Variants in DDHD2 observed in about 807,000 individuals in gnomAD.
The protein encoded by DDHD2 is triacylglycerol hydrolase DDHD2.
In DDHD2, 62 loss-of-function variants were observed where a neutral mutation model predicts 91.2. That is an observed-to-expected ratio of 0.68 (90% CI 0.55 to 0.84). The LOEUF is 0.84. Among genes scored for constraint, DDHD2 ranks in the 40% least tolerant of loss-of-function variants. The pLI is 0.00. For synonymous variants in DDHD2, 271 were observed against 293.9 expected (o/e 0.92, Z 0.80); for missense variants, 740 against 846.9 (o/e 0.87, Z 1.57).
chr8:38,269,163 C>G (rs941793287), intron 1 of DDHD2: 3 of 1,512,612 alleles, frequency 2.0e-6, no homozygotes, highest in Non-Finnish European at 2.6e-6. Flanking sequence ...ACGCCCACTT[C>G]GGCCCCAAAG....
downstream of DDHD2, chr8:38,265,207 A>G (rs1807400266): frequency 2.9e-6 from 1 of 341,902 alleles, no homozygotes; most frequent in African/African-American, 2.3e-5. Flanking sequence ...TGGAGGTTGC[A>G]GTGAGCCGAG....
At chr8:38,233,882 T>C (rs542641831) in intron 2 of DDHD2, among the ~76,000 whole-genome samples, 1 of 151,612 alleles carries the variant, frequency 6.6e-6, no homozygotes, top group East Asian at 1.9e-4. Context: ...TGAGCCAAGA[T>C]TGTGCCACTG....
chr8:38,252,837 A>T lies in DDHD2; in HGVS notation c.1720+13A>T, dbSNP rs893382131. The T allele has an allele frequency of 1.2e-6, 2 of 1,612,566 alleles. No homozygotes were observed. Among genetic ancestry groups the T allele is most frequent in the African/African-American group, 1.3e-5 (1 of 74,902 alleles). ...CGGATGCACTTAGGTAAGTCCGAGCATAGAACTTGATAATTCTAGACCTTT... is the reference window on the plus strand; with the variant it reads ...CGGATGCACTTAGGTAAGTCCGAGCTTAGAACTTGATAATTCTAGACCTTT... On this transcript the variant is annotated intron_variant, in intron 14 of 17. Coordinates refer to ENST00000397166, the MANE Select transcript of DDHD2 (RefSeq NM_015214.3).
intron 16 of DDHD2, among the ~76,000 whole-genome samples, chr8:38,254,287 CATGA>C (rs568103406): frequency 3.1e-4 from 47 of 152,200 alleles, no homozygotes; most frequent in Middle Eastern, 3.4e-3. Flanking sequence ...TTTAGGTGCA[CATGA>C]ATGAACTGGA....
chr8:38,232,336 T>A (rs1040146232), intron 1 of DDHD2, among the ~76,000 whole-genome samples: 2 of 152,226 alleles, frequency 1.3e-5, no homozygotes, highest in Non-Finnish European at 2.9e-5. Flanking sequence ...CAGAGCCGCC[T>A]CTGCGGGAGG....
At chr8:38,273,037 CT>C (rs371402651), downstream of DDHD2, 9 of 149,342 alleles carry the variant, frequency 6.0e-5, no homozygotes, top group Non-Finnish European at 3.0e-5. Context: ...CTATGGTTAC[CT>C]TTTTTTTTTG....
At chr8:38,264,071 A>G (rs573222078), downstream of DDHD2, 39 of 990,250 alleles carry the variant, frequency 3.9e-5, no homozygotes, top group African/African-American at 5.9e-4. Context: ...TGGAAGGGGA[A>G]AAAAAGGCTA....
At chr8:38,265,654 C>T (rs1323467997), downstream of DDHD2, 1 of 152,154 alleles carries the variant, frequency 6.6e-6, no homozygotes, top group Non-Finnish European at 1.5e-5. Flanking sequence ...TCTCGAATTC[C>T]TGACTACAGG....
intron 7 of DDHD2, among the ~76,000 whole-genome samples, chr8:38,243,777 T>C (rs1232200288): frequency 6.6e-6 from 1 of 151,598 alleles, no homozygotes; most frequent in Non-Finnish European, 1.5e-5. Flanking sequence ...ACTACAGGCA[T>C]GTGGCACCAC....
At chr8:38,268,689 C>T (rs1035939113) in intron 1 of DDHD2, 1 of 1,432,938 alleles carries the variant, frequency 7.0e-7, no homozygotes, top group Non-Finnish European at 9.1e-7. Flanking sequence ...GTTGTCTCAG[C>T]CCAAAGAGGC....
intron 12 of DDHD2, 49 bp from the exon 13 acceptor site, chr8:38,252,083 A>T (rs1357990846): frequency 6.2e-7 from 1 of 1,612,666 alleles, no homozygotes; most frequent in East Asian, 2.2e-5. Context: ...GTAGAAACAG[A>T]TGTAACTTTT....
intron 16 of DDHD2, among the ~76,000 whole-genome samples, chr8:38,259,159 A>C (rs1220518044): frequency 6.6e-6 from 1 of 151,978 alleles, no homozygotes; most frequent in African/African-American, 2.4e-5. Flanking sequence ...ATAACTCTTC[A>C]ATAGTGTCTC....
Position 38,234,496 on chromosome 8 carries a change from C to A in DDHD2, c.323C>A (p.Ser108Ter), listed in dbSNP as rs572255417. 6.2e-7 allele frequency: 1 copy of A among 1,613,116 alleles called. No homozygotes were observed. Among genetic ancestry groups the A allele is most frequent in the Non-Finnish European group, 8.5e-7 (1 of 1,179,882 alleles). ...RYAVYWDELASEVRRCTWFYK... is the reference protein window; with the variant it reads ...RYAVYWDELA The stretch of plus-strand genomic sequence containing the variant: ...GCTGTATACTGGGATGAACTGGCAT[C>A]GGAAGTGAGACGATGTACGTGGTTT... The change falls in exon 3 of 18, where the codon TCG becomes TAG. Residue 108 changes from serine (S) to a stop codon, truncating the protein, a stop_gained. Transcript: ENST00000397166. LOFTEE classifies it high-confidence loss of function.
At chr8:38,265,961 T>G (rs893423654), downstream of DDHD2, among the ~76,000 whole-genome samples, 1 of 152,242 alleles carries the variant, frequency 6.6e-6, no homozygotes, top group African/African-American at 2.4e-5. Context: ...TTATCTTTGG[T>G]AAACTCTTTT....
At chr8:38,263,862 A>C, downstream of DDHD2, 1 of 985,336 alleles carries the variant, frequency 1.0e-6, no homozygotes, top group Non-Finnish European at 1.2e-6. Context: ...TAAATGTAAA[A>C]ACACTGTAGA....
downstream of DDHD2, chr8:38,263,758 T>G (rs1807217200): frequency 1.0e-6 from 1 of 985,382 alleles, no homozygotes; most frequent in African/African-American, 1.7e-5. Context: ...GAAATGGAAA[T>G]TAAGTTTTGA....
At chr8:38,249,070 C>T (rs1396542016) in intron 10 of DDHD2, among the ~76,000 whole-genome samples, 2 of 151,882 alleles carry the variant, frequency 1.3e-5, no homozygotes, top group Non-Finnish European at 2.9e-5. Flanking sequence ...CCTTCTCAGG[C>T]ATGTGACATC....
intron 1 of DDHD2, chr8:38,269,235 G>A: frequency 7.0e-7 from 1 of 1,436,264 alleles, no homozygotes; most frequent in Non-Finnish European, 9.1e-7. Context: ...GCGCTGACGT[G>A]GCCACCTCCG....
Position 38,242,331 on chromosome 8 carries a change from T to C in DDHD2, c.794T>C (p.Val265Ala). 1.9e-6 allele frequency: 3 copies of C among 1,611,082 alleles called. No homozygotes were observed. Among genetic ancestry groups the C allele is most frequent in the Non-Finnish European group, 8.5e-7 (1 of 1,179,056 alleles). The change falls in exon 7 of 18, where the codon GTA becomes GCA. Residue 265 changes from valine (V) to alanine (A), a missense_variant. Val to Ala is a moderately conservative substitution (Grantham distance 64). Coordinates refer to ENST00000397166, the MANE Select transcript of DDHD2 (RefSeq NM_015214.3). ...KAQENQQIGR[V>A]EFLPVNWHSP... ...CAAGAAAATCAGCAGATTGGGAGGG[T>C]AGAATTTCTTCCAGTCAACTGGCAC...
Sources: gnomAD v4.1 joint callset for allele counts (sites outside exome capture counted in the v4.1 genomes callset) on GRCh38, gnomAD v4.1.1 for gene constraint, MANE v1.5 for transcripts, NCBI Gene and HGNC (gene_info 2026-07-23, HGNC 2026-07-21) for gene names.